PARL: variants seen among roughly 807,000 people sequenced by gnomAD.
PARL encodes the protein presenilin-associated rhomboid-like protein, mitochondrial.
Under a neutral mutation model 51.6 loss-of-function variants are expected in PARL, and 44 were observed. That is an observed-to-expected ratio of 0.85 (90% CI 0.67 to 1.10). PARL has a LOEUF of 1.10. Among genes scored for constraint, PARL ranks in the 50% least tolerant of loss-of-function variants. The pLI is 0.00. For missense variants in PARL, 441 were observed against 469.5 expected (o/e 0.94, Z 0.56); for synonymous variants, 172 against 164.0 (o/e 1.05, Z -0.37).
intron 1 of PARL, among the ~76,000 whole-genome samples, 187 bp downstream of exon 1, chr3:183,884,530 GGGGCT>G (rs1424987123): frequency 6.6e-6 from 1 of 152,216 alleles, no homozygotes; most frequent in Non-Finnish European, 1.5e-5. Context: ...AGGCTCGCGG[GGGGCT>G]GGGCTGGGCA....
chr3:183,884,789 A>C lies in PARL; in HGVS notation c.58T>G (p.Ser20Ala). ...GWGCGQAWGA[S>A]VGGRSCEELT... ...TCCTCGCAGCTGCGGCCGCCCACCG[A>C]CGCACCCCACGCCTGGCCGCAGCCC... The change falls in exon 1 of 10, where the codon TCG (serine) becomes GCG (alanine). Residue 20 changes from serine to alanine, a missense_variant. Transcript: ENST00000317096. 1 of 1,592,152 alleles carries C rather than the reference A, an allele frequency of 6.3e-7. No homozygotes were observed. Among genetic ancestry groups the C allele is most frequent in the Non-Finnish European group, 8.5e-7 (1 of 1,175,920 alleles).
intron 4 of PARL, among the ~76,000 whole-genome samples, chr3:183,860,862 C>G (rs1201936116): frequency 7.0e-6 from 1 of 142,092 alleles, no homozygotes. Context: ...GTCGTCCAGG[C>G]TGGAGTGCAG....
intron 1 of PARL, among the ~76,000 whole-genome samples, chr3:183,873,582 G>A (rs1283251632): frequency 6.6e-6 from 1 of 151,848 alleles, no homozygotes; most frequent in Non-Finnish European, 1.5e-5. Flanking sequence ...AATTAAAGAT[G>A]GCAAGTTGTA....
At chr3:183,870,418 T>C (rs1266305960) in intron 1 of PARL, among the ~76,000 whole-genome samples, 2 of 151,876 alleles carry the variant, frequency 1.3e-5, no homozygotes, top group African/African-American at 4.8e-5. Flanking sequence ...AACACTTTCC[T>C]TAACTTCAAA....
chr3:183,847,317 G>C (rs1730071763), intron 4 of PARL, among the ~76,000 whole-genome samples: 1 of 152,146 alleles, frequency 6.6e-6, no homozygotes, highest in African/African-American at 2.4e-5. Flanking sequence ...CTAGCACTTT[G>C]GGAGGTCCAG....
In PARL at chr3:183,851,691, TA is replaced by T. The variant is rs980946271; in HGVS notation, c.512-7366del. 1.0e-4 allele frequency among the ~76,000 whole-genome samples: 15 copies of T among 150,210 alleles called. 1 individual carries two copies. The highest frequency in any genetic ancestry group is 7.8e-4 in the East Asian group (4 of 5,116). ...ATAAGGGATTAATATCCAGAATATA[TA>T]AAAAAAAACTCAACAACCCAATGTA... On this transcript the variant is annotated intron_variant, in intron 4 of 9. Coordinates refer to ENST00000317096, the MANE Select transcript of PARL (RefSeq NM_018622.7).
chr3:183,855,810 G>A (rs553891140), intron 4 of PARL, among the ~76,000 whole-genome samples: 34 of 151,878 alleles, frequency 2.2e-4, no homozygotes, highest in Non-Finnish European at 4.1e-4. Flanking sequence ...AAATACAAAA[G>A]TTACCCAGGC....
At chr3:183,858,987 C>A (rs1328661211) in intron 4 of PARL, among the ~76,000 whole-genome samples, 1 of 151,996 alleles carries the variant, frequency 6.6e-6, no homozygotes, top group East Asian at 1.9e-4. Context: ...GGGATTTGCA[C>A]AGACAGATTG....
chr3:183,880,093 T>C (rs997088227), intron 1 of PARL, among the ~76,000 whole-genome samples: 4 of 152,154 alleles, frequency 2.6e-5, no homozygotes, highest in Non-Finnish European at 5.9e-5. Context: ...TAATTGCAAA[T>C]GTTTGCTATC....
At chr3:183,842,966 G>C (rs1186079640) in intron 5 of PARL, among the ~76,000 whole-genome samples, 1 of 149,258 alleles carries the variant, frequency 6.7e-6, no homozygotes, top group East Asian at 2.0e-4. Context: ...ACTTCCTCAA[G>C]TTGAGGCTCA....
intron 3 of PARL, 128 bp from the exon 4 acceptor site, chr3:183,862,929 CATA>C: frequency 1.3e-6 from 1 of 768,620 alleles, no homozygotes; most frequent in African/African-American, 1.7e-5. Context: ...TGGTCACAGA[CATA>C]ATAAATACGT....
chr3:183,875,574 G>A (rs1213126624), intron 1 of PARL, among the ~76,000 whole-genome samples: 1 of 152,142 alleles, frequency 6.6e-6, no homozygotes, highest in Non-Finnish European at 1.5e-5. Context: ...TATGAAGGCT[G>A]AAAGAATTGA....
chr3:183,840,520 A>G (rs772838322), intron 7 of PARL, 50 bp downstream of exon 7: 24 of 860,758 alleles, frequency 2.8e-5, no homozygotes, highest in Admixed American at 1.8e-4. Context: ...ACTTATTTCA[A>G]AGTAAATTTA....
intron 6 of PARL, among the ~76,000 whole-genome samples, chr3:183,840,920 G>A (rs998066057): frequency 1.3e-5 from 2 of 151,918 alleles, no homozygotes; most frequent in Non-Finnish European, 2.9e-5. Flanking sequence ...AAACAGTGTC[G>A]GGTTTCAATC....
At chr3:183,835,525 A>T (rs559390411) in intron 7 of PARL, among the ~76,000 whole-genome samples, 1 of 152,298 alleles carries the variant, frequency 6.6e-6, no homozygotes, top group East Asian at 1.9e-4. Flanking sequence ...CCTCAAAAGG[A>T]GGACCCAAGA....
intron 4 of PARL, among the ~76,000 whole-genome samples, chr3:183,859,702 C>A (rs1351849167): frequency 2.6e-5 from 4 of 152,116 alleles, no homozygotes. Context: ...TATGGGTATG[C>A]CTTACAATCT....
chr3:183,867,932 T>C lies in PARL; in HGVS notation c.254A>G (p.Glu85Gly). 1 of 1,613,998 alleles carries C rather than the reference T, an allele frequency of 6.2e-7. No homozygotes were observed. The change falls in exon 2 of 10, where the codon GAA (glutamate) becomes GGA (glycine). Residue 85 changes from glutamate to glycine, a missense_variant. By Grantham distance (98) the Glu-to-Gly change is moderately conservative. Transcript: ENST00000317096. The stretch of plus-strand genomic sequence containing the variant: ...ATAGGGAGAAGGATAAAAGACTGTT[T>C]CTTCCACAGGAGGAATCAAAGCACT... ...KRSALIPPVEETVFYPSPYPI... is the reference protein window; with the variant it reads ...KRSALIPPVEGTVFYPSPYPI...
intron 4 of PARL, among the ~76,000 whole-genome samples, chr3:183,857,985 C>G (rs185181930): frequency 6.6e-6 from 1 of 152,148 alleles, no homozygotes; most frequent in Admixed American, 6.6e-5. Context: ...GCTGTGTGAT[C>G]GCAGTTACTT....
At chr3:183,867,228 G>T (rs1732598679) in intron 2 of PARL, among the ~76,000 whole-genome samples, 1 of 151,578 alleles carries the variant, frequency 6.6e-6, no homozygotes. Context: ...ACATTTTATT[G>T]TTTCCCATTG....
Sources: allele counts gnomAD v4.1 joint callset (sites outside exome capture counted in the v4.1 genomes callset), GRCh38; gene constraint gnomAD v4.1.1; transcripts MANE v1.5; gene names NCBI Gene and HGNC (gene_info 2026-07-23, HGNC 2026-07-21).